SPMAP2L: variants seen among roughly 807,000 people sequenced by gnomAD.
SPMAP2L encodes the protein sperm microtubule associated protein 2 like, also known as sperm microtubule associated protein 2-like.
chr4:56,575,634 A>G, the SPMAP2L span: 49 of 1,535,282 alleles, frequency 3.2e-5, no homozygotes, highest in Non-Finnish European at 4.3e-5. Flanking sequence ...GACAGTGTCT[A>G]CTAAATAGGT....
At chr4:56,583,656 G>T in the SPMAP2L span, among the ~76,000 whole-genome samples, 1 of 152,198 alleles carries the variant, frequency 6.6e-6, no homozygotes, top group Non-Finnish European at 1.5e-5. Flanking sequence ...GTGGCTGGCA[G>T]TTATGACCAG....
At chr4:56,595,674 G>A in the SPMAP2L span, 2 of 1,130,276 alleles carry the variant, frequency 1.8e-6, no homozygotes, top group Non-Finnish European at 2.7e-6. Flanking sequence ...CCCACCCATG[G>A]AAGTTTATGA....
the SPMAP2L span, among the ~76,000 whole-genome samples, chr4:56,612,992 G>A: frequency 2.8e-4 from 43 of 152,034 alleles, no homozygotes; most frequent in Non-Finnish European, 1.3e-4. Flanking sequence ...CCTCTAAGCG[G>A]AGTCCCTGCT....
At chr4:56,579,920 G>A in the SPMAP2L span, among the ~76,000 whole-genome samples, 3 of 152,176 alleles carry the variant, frequency 2.0e-5, no homozygotes, top group African/African-American at 4.8e-5. Flanking sequence ...TCTGTAACAA[G>A]TGAAGCGATT....
chr4:56,584,728 A>C, the SPMAP2L span: 1 of 709,114 alleles, frequency 1.4e-6, no homozygotes, highest in Non-Finnish European at 2.4e-6. Context: ...TATCAAATGA[A>C]CTTTTCTGAC....
At chr4:56,559,546 A>G in the SPMAP2L span, 1 of 1,463,110 alleles carries the variant, frequency 6.8e-7, no homozygotes, top group Non-Finnish European at 9.0e-7. Flanking sequence ...TTATCATGTT[A>G]CTTTATCAGG....
chr4:56,624,605 T>C, the SPMAP2L span, among the ~76,000 whole-genome samples: 1 of 152,190 alleles, frequency 6.6e-6, no homozygotes. Flanking sequence ...CTGTGTCCCA[T>C]CTGCTCCAGC....
At chr4:56,552,501 C>T in the SPMAP2L span, 1 of 1,015,154 alleles carries the variant, frequency 9.9e-7, no homozygotes, top group East Asian at 2.6e-5. Context: ...CTAATGTAAC[C>T]ACATTTCTTA....
At chr4:56,593,490 C>T in the SPMAP2L span, 19 of 1,598,200 alleles carry the variant, frequency 1.2e-5, no homozygotes, top group East Asian at 2.0e-4. Flanking sequence ...TTACGGAACT[C>T]GTGGAGAGAG....
chr4:56,543,960 G>A, the SPMAP2L span, among the ~76,000 whole-genome samples: 4 of 125,184 alleles, frequency 3.2e-5, no homozygotes, highest in Non-Finnish European at 6.4e-5. Flanking sequence ...GTGTGTGTGT[G>A]TGTGTGTGTA....
At chr4:56,565,181 G>C in the SPMAP2L span, among the ~76,000 whole-genome samples, 1 of 152,132 alleles carries the variant, frequency 6.6e-6, no homozygotes, top group South Asian at 2.1e-4. Flanking sequence ...GGCCAAGTTG[G>C]TTGGTAGTCT....
chr4:56,576,117 G>A, the SPMAP2L span, among the ~76,000 whole-genome samples: 39 of 152,308 alleles, frequency 2.6e-4, no homozygotes, highest in African/African-American at 8.4e-4. Context: ...TATATACAGT[G>A]TACAGTTGTG....
chr4:56,614,116 C>G, the SPMAP2L span, among the ~76,000 whole-genome samples: 1 of 152,058 alleles, frequency 6.6e-6, no homozygotes, highest in Non-Finnish European at 1.5e-5. Flanking sequence ...TAGGACTGGT[C>G]TTTCATTGGG....
the SPMAP2L span, chr4:56,575,506 G>A: frequency 6.5e-7 from 1 of 1,535,046 alleles, no homozygotes; most frequent in East Asian, 2.4e-5. Flanking sequence ...AACTTGCAGG[G>A]CTCAATACTA....
the SPMAP2L span, among the ~76,000 whole-genome samples, chr4:56,550,583 G>A: frequency 3.3e-5 from 5 of 152,116 alleles, no homozygotes; most frequent in Non-Finnish European, 7.3e-5. Flanking sequence ...AATAAATAAT[G>A]TATGCTGAGT....
chr4:56,567,271 A>G, the SPMAP2L span, among the ~76,000 whole-genome samples: 4 of 149,128 alleles, frequency 2.7e-5, no homozygotes, highest in African/African-American at 9.9e-5. Flanking sequence ...CTTTAATAAT[A>G]TTTTTTTTTA....
chr4:56,562,786 C>CTTTTTTTTT, the SPMAP2L span, among the ~76,000 whole-genome samples: 1 of 145,118 alleles, frequency 6.9e-6, no homozygotes, highest in Non-Finnish European at 1.5e-5. Flanking sequence ...TTTTCTTCGT[C>CTTTTTTTTT]TTTTTTTTTA....
chr4:56,537,835 G>A, the SPMAP2L span, among the ~76,000 whole-genome samples: 5 of 152,090 alleles, frequency 3.3e-5, no homozygotes, highest in Non-Finnish European at 7.4e-5. Flanking sequence ...TGGGACTACA[G>A]GTGCCCGCCA....
the SPMAP2L span, chr4:56,603,397 C>G: frequency 2.4e-5 from 26 of 1,077,820 alleles, no homozygotes; most frequent in Non-Finnish European, 3.3e-5. Context: ...TTCCCTGTTG[C>G]GGTACTGTCA....
Sources: allele counts gnomAD v4.1 joint callset (sites outside exome capture counted in the v4.1 genomes callset), GRCh38; gene constraint gnomAD v4.1.1; transcripts MANE v1.5; gene names NCBI Gene and HGNC (gene_info 2026-07-23, HGNC 2026-07-21).